NRXN3: variants seen among roughly 807,000 people sequenced by gnomAD.
NRXN3 encodes neurexin III.
NRXN3 carries 32 observed loss-of-function variants against 137.6 expected under a neutral mutation model. The ratio of observed to expected loss-of-function variants is 0.23; its 90% CI spans 0.18 to 0.31. The LOEUF (loss-of-function observed/expected upper bound fraction) is 0.31, where lower values mean the gene tolerates loss of function less well. NRXN3 is among the 10% of genes least tolerant of loss of function. NRXN3 has a pLI of 1.00. For synonymous variants in NRXN3, 798 were observed against 784.5 expected, an observed-to-expected ratio of 1.02 and a Z score of -0.29; for missense variants, 1,574 against 2,062.5, an observed-to-expected ratio of 0.76 and a Z score of 4.59.
chr14:78,580,098 C>T (rs970970878), intron 4 of NRXN3, among the ~76,000 whole-genome samples: 6 of 151,914 alleles, frequency 3.9e-5, no homozygotes, highest in Admixed American at 1.3e-4. Flanking sequence ...ACTGCCATAC[C>T]CATGTTTGAT....
intron 4 of NRXN3, among the ~76,000 whole-genome samples, chr14:78,483,981 T>TACAC (rs71979335): frequency 0.042 from 5,172 of 123,192 alleles, 123 homozygotes; most frequent in Admixed American, 0.073. Context: ...GGGATGCTCT[T>TACAC]ACACACACAC....
intron 20 of NRXN3, among the ~76,000 whole-genome samples, chr14:79,808,795 A>G (rs1046965151): frequency 3.3e-5 from 5 of 152,172 alleles, no homozygotes; most frequent in Non-Finnish European, 7.3e-5. Context: ...TTTAAATGAA[A>G]TAATTTATTT....
intron 15 of NRXN3, among the ~76,000 whole-genome samples, chr14:79,291,482 A>G (rs998204436): frequency 1.3e-5 from 2 of 151,636 alleles, no homozygotes; most frequent in African/African-American, 4.8e-5. Context: ...TGGTCTCTCA[A>G]AGTGCTGGGA....
At chr14:79,275,004 A>T (rs920764787) in intron 15 of NRXN3, among the ~76,000 whole-genome samples, 3 of 152,232 alleles carry the variant, frequency 2.0e-5, no homozygotes, top group Non-Finnish European at 4.4e-5. Context: ...CTTCTCTTCT[A>T]TATCTCCAAA....
chr14:78,218,225 C>T (rs542012260), intron 1 of NRXN3, among the ~76,000 whole-genome samples: 15 of 151,840 alleles, frequency 9.9e-5, no homozygotes, highest in African/African-American at 2.4e-4. Flanking sequence ...GGCGTGGTGG[C>T]GCACACCTGT....
chr14:79,723,568 T>C (rs2098857727), intron 19 of NRXN3, among the ~76,000 whole-genome samples: 1 of 152,118 alleles, frequency 6.6e-6, no homozygotes, highest in South Asian at 2.1e-4. Flanking sequence ...TTTTCTCCTT[T>C]GCCAAGTCTC....
At position 79,146,634 on chromosome 14, in the gene NRXN3, C is replaced by G. The variant is rs115608854; in HGVS notation, c.3262+158493C>G. Reference sequence around the variant, plus strand: ...AGCCTGGAGAAAAGAGCGTGCATCACAAATCCTACATAGACAGCAAAACCA... The same window carrying G: ...AGCCTGGAGAAAAGAGCGTGCATCAGAAATCCTACATAGACAGCAAAACCA... On this transcript the variant is annotated intron_variant, in intron 15 of 20. Coordinates refer to ENST00000335750, the MANE Select transcript of NRXN3 (RefSeq NM_001330195.2). Among the ~76,000 whole-genome samples the G allele has an allele frequency of 8.8e-3, 1,334 of 152,186 alleles. 26 individuals carry two copies. The highest frequency in any genetic ancestry group is 0.029 in the African/African-American group (1,206 of 41,534).
At chr14:78,608,686 T>C (rs550037816) in intron 4 of NRXN3, among the ~76,000 whole-genome samples, 25 of 152,312 alleles carry the variant, frequency 1.6e-4, no homozygotes, top group Middle Eastern at 3.4e-3. Flanking sequence ...TCAATAACCA[T>C]TTAATGACAA....
intron 16 of NRXN3, among the ~76,000 whole-genome samples, chr14:79,565,212 T>TATGTGTGTGTATATATAC (rs1567519057): frequency 7.0e-6 from 1 of 142,930 alleles, no homozygotes; most frequent in East Asian, 2.1e-4. Flanking sequence ...TGTTTGTGTA[T>TATGTGTGTGTATATATAC]ATATATGTGT....
intron 1 of NRXN3, among the ~76,000 whole-genome samples, chr14:78,193,937 C>T (rs11620894): frequency 6.6e-6 from 1 of 152,116 alleles, no homozygotes; most frequent in Non-Finnish European, 1.5e-5. Context: ...ACCTGTCCTG[C>T]TAGACATGGT....
intron 15 of NRXN3, among the ~76,000 whole-genome samples, chr14:79,240,015 G>C (rs1449983310): frequency 6.6e-6 from 1 of 152,102 alleles, no homozygotes; most frequent in Admixed American, 6.6e-5. Context: ...TGGGTAGGGG[G>C]AATGGAGAGA....
chr14:78,314,568 A>T (rs1034134465), intron 4 of NRXN3, among the ~76,000 whole-genome samples: 1 of 152,178 alleles, frequency 6.6e-6, no homozygotes, highest in Non-Finnish European at 1.5e-5. Flanking sequence ...CATAGTGTGC[A>T]TCATCTATGA....
rs142576438 is a variant in NRXN3, at chr14:79,243,971, G to A, written c.3263-223250G>A. Among the ~76,000 whole-genome samples the A allele has an allele frequency of 4.3e-4, 65 of 152,182 alleles. No individual in the cohort carries two copies. In the East Asian group the frequency reaches 6.0e-3, roughly 14 times the overall value. ...ATATGCCACACTATCATTAACTACG[G>A]TGTTTCGCTTAGGAACATCACCAAA... On this transcript the variant is annotated intron_variant, in intron 15 of 20. Coordinates refer to ENST00000335750, the MANE Select transcript of NRXN3 (RefSeq NM_001330195.2).
intron 15 of NRXN3, among the ~76,000 whole-genome samples, chr14:79,148,581 G>A (rs751499357): frequency 7.2e-5 from 11 of 152,098 alleles, no homozygotes; most frequent in African/African-American, 1.9e-4. Flanking sequence ...ATAAGAACAT[G>A]GTTCACTTTC....
intron 4 of NRXN3, among the ~76,000 whole-genome samples, chr14:78,583,899 CTGCCACAA>C (rs1265307430): frequency 6.6e-6 from 1 of 152,162 alleles, no homozygotes; most frequent in East Asian, 1.9e-4. Context: ...AACATACTGT[CTGCCACAA>C]ATAACACAGT....
At chr14:78,833,848 T>C (rs1474137919) in intron 10 of NRXN3, among the ~76,000 whole-genome samples, 1 of 152,176 alleles carries the variant, frequency 6.6e-6, no homozygotes, top group Non-Finnish European at 1.5e-5. Context: ...GGAATCTTAG[T>C]GCATTCAAAA....
At chr14:78,786,179 G>A (rs1489107701) in intron 8 of NRXN3, among the ~76,000 whole-genome samples, 1 of 152,116 alleles carries the variant, frequency 6.6e-6, no homozygotes, top group African/African-American at 2.4e-5. Flanking sequence ...AACAATGCCT[G>A]GAACAATAGT....
intron 9 of NRXN3, among the ~76,000 whole-genome samples, chr14:78,806,988 G>T (rs2098875458): frequency 6.6e-6 from 1 of 152,196 alleles, no homozygotes; most frequent in Non-Finnish European, 1.5e-5. Context: ...TACATAAAAA[G>T]TTGGAGACAG....
At chr14:78,523,104 C>A (rs72683514) in intron 4 of NRXN3, among the ~76,000 whole-genome samples, 6,381 of 152,252 alleles carry the variant, frequency 0.042, 295 homozygotes, top group African/African-American at 0.11. Flanking sequence ...CATACCATGA[C>A]AATAGACACA....
Sources: gnomAD v4.1 joint callset for allele counts (sites outside exome capture counted in the v4.1 genomes callset) on GRCh38, gnomAD v4.1.1 for gene constraint, MANE v1.5 for transcripts, NCBI Gene and HGNC (gene_info 2026-07-23, HGNC 2026-07-21) for gene names.